The following PRKN variants were observed in gnomAD, a reference collection of about 807,000 sequenced individuals.
PRKN encodes parkin RBR E3 ubiquitin protein ligase.
A neutral mutation model predicts 59.5 loss-of-function variants in PRKN; 56 were observed. That is an observed-to-expected ratio of 0.94 (90% CI 0.76 to 1.18). The LOEUF is 1.18. Among genes scored for constraint, PRKN ranks in the 50% most tolerant of loss-of-function variants. The pLI is 0.00. For synonymous variants in PRKN, 250 were observed against 222.1 expected, an observed-to-expected ratio of 1.13 and a Z score of -1.12; for missense variants, 657 against 596.4, an observed-to-expected ratio of 1.10 and a Z score of -1.06.
intron 3 of PRKN, among the ~76,000 whole-genome samples, chr6:162,214,903 A>G (rs1777570529): frequency 6.6e-6 from 1 of 152,118 alleles, no homozygotes; most frequent in Non-Finnish European, 1.5e-5. Context: ...GAGGAGAGAG[A>G]AGATTGTTAA....
intron 1 of PRKN, among the ~76,000 whole-genome samples, chr6:162,497,448 G>A (rs183726034): frequency 1.4e-4 from 22 of 152,342 alleles, no homozygotes; most frequent in Non-Finnish European, 2.5e-4. Flanking sequence ...TGAGCCCAGA[G>A]ATAAATTCCC....
intron 7 of PRKN, among the ~76,000 whole-genome samples, chr6:161,705,075 T>C (rs1786424727): frequency 6.6e-6 from 1 of 152,180 alleles, no homozygotes; most frequent in Non-Finnish European, 1.5e-5. Context: ...CTATGAGCTT[T>C]GGAGTCATGC....
intron 2 of PRKN, among the ~76,000 whole-genome samples, chr6:162,303,225 C>A (rs1265922872): frequency 1.3e-5 from 2 of 152,104 alleles, no homozygotes; most frequent in African/African-American, 4.8e-5. Context: ...AAGTACTATG[C>A]CCAAATATTA....
intron 4 of PRKN, among the ~76,000 whole-genome samples, chr6:162,079,567 CCT>C (rs1320409166): frequency 1.3e-5 from 2 of 152,056 alleles, no homozygotes; most frequent in African/African-American, 2.4e-5. Flanking sequence ...CTGCCCATCC[CCT>C]GTTTAAACCC....
chr6:162,618,237 G>A (rs12193969), intron 1 of PRKN, among the ~76,000 whole-genome samples: 2 of 152,052 alleles, frequency 1.3e-5, no homozygotes, highest in Admixed American at 1.3e-4. Flanking sequence ...TTTAAGGAAA[G>A]GGTCTTATGA....
chr6:162,594,796 T>C (rs199649472), intron 1 of PRKN, among the ~76,000 whole-genome samples: 1 of 152,214 alleles, frequency 6.6e-6, no homozygotes, highest in East Asian at 1.9e-4. Flanking sequence ...TTGGATATTA[T>C]GTAGAAATAC....
At chr6:161,481,163 T>G (rs573949744) in intron 9 of PRKN, among the ~76,000 whole-genome samples, 2 of 152,334 alleles carry the variant, frequency 1.3e-5, no homozygotes, top group East Asian at 3.9e-4. Context: ...TTAAAAGCTA[T>G]TCAAACCGTA....
At chr6:162,022,800 A>G (rs572910235) in intron 5 of PRKN, among the ~76,000 whole-genome samples, 68 of 152,272 alleles carry the variant, frequency 4.5e-4, no homozygotes, top group Non-Finnish European at 8.1e-4. Flanking sequence ...TGCCTTACAC[A>G]TAAGTCTTTA....
chr6:162,480,692 CA>C (rs1320808178), intron 1 of PRKN, among the ~76,000 whole-genome samples: 1 of 151,958 alleles, frequency 6.6e-6, no homozygotes, highest in African/African-American at 2.4e-5. Context: ...CTGACTCTAG[CA>C]AATCATAAAA....
intron 2 of PRKN, among the ~76,000 whole-genome samples, chr6:162,366,854 G>A (rs578090426): frequency 1.3e-5 from 2 of 152,224 alleles, no homozygotes; most frequent in African/African-American, 4.8e-5. Flanking sequence ...ACTAGAGATT[G>A]CACCATTCCA....
intron 1 of PRKN, among the ~76,000 whole-genome samples, chr6:162,449,205 A>G (rs1790472948): frequency 6.6e-6 from 1 of 150,640 alleles, no homozygotes; most frequent in Non-Finnish European, 1.5e-5. Flanking sequence ...AACTTCAGAT[A>G]ATTGCATCTA....
intron 7 of PRKN, among the ~76,000 whole-genome samples, chr6:161,632,938 C>A (rs1320902967): frequency 6.6e-6 from 1 of 152,196 alleles, no homozygotes; most frequent in Non-Finnish European, 1.5e-5. Context: ...ATGGGAAGTA[C>A]AATTCAAGAT....
intron 4 of PRKN, among the ~76,000 whole-genome samples, chr6:162,148,009 A>G (rs764749046): frequency 5.9e-5 from 9 of 152,178 alleles, no homozygotes; most frequent in Non-Finnish European, 1.2e-4. Context: ...CTCAGCCCCA[A>G]GTCGACAACC....
intron 6 of PRKN, among the ~76,000 whole-genome samples, chr6:161,810,840 G>A (rs1420588598): frequency 6.6e-6 from 1 of 152,140 alleles, no homozygotes; most frequent in African/African-American, 2.4e-5. Context: ...TGCTATAGCA[G>A]AGACATAAAT....
At chr6:161,792,924 T>C (rs773356065) in intron 6 of PRKN, among the ~76,000 whole-genome samples, 1 of 152,190 alleles carries the variant, frequency 6.6e-6, no homozygotes, top group Non-Finnish European at 1.5e-5. Context: ...ATGACTGAAA[T>C]CTCAGAGACC....
intron 7 of PRKN, among the ~76,000 whole-genome samples, chr6:161,692,673 G>C (rs977751583): frequency 1.3e-5 from 2 of 152,232 alleles, no homozygotes; most frequent in African/African-American, 4.8e-5. Flanking sequence ...GGGAGGCTGA[G>C]GGGGGCGGAT....
At chr6:161,628,342 G>T (rs1783170808) in intron 7 of PRKN, among the ~76,000 whole-genome samples, 1 of 152,202 alleles carries the variant, frequency 6.6e-6, no homozygotes, top group South Asian at 2.1e-4. Context: ...TCAAGGTGAT[G>T]GTGGAGTCTG....
In PRKN at chr6:161,986,711, A is replaced by ACTG. The variant is rs373668751; in HGVS notation, c.619-13297_619-13295dup. Among the ~76,000 whole-genome samples the ACTG allele has an allele frequency of 7.9e-5, 12 of 151,090 alleles. 2 individuals carry two copies. Among genetic ancestry groups the ACTG allele is most frequent in the African/African-American group, 2.5e-4 (10 of 40,572 alleles). On this transcript the variant is annotated intron_variant, in intron 5 of 11. Coordinates refer to ENST00000366898, the MANE Select transcript of PRKN (RefSeq NM_004562.3). ...CACCTACATATTCCTCCTAACATTT[A>ACTG]CTGCTGCTGTTGAATCCATTGTGCT...
chr6:161,844,551 GAACCACAA>G (rs1236467715), intron 6 of PRKN, among the ~76,000 whole-genome samples: 1 of 152,186 alleles, frequency 6.6e-6, no homozygotes, highest in Admixed American at 6.5e-5. Flanking sequence ...TGTGGCTGTT[GAACCACAA>G]CTGAGGAACT....
Sources: allele counts gnomAD v4.1 joint callset (sites outside exome capture counted in the v4.1 genomes callset), GRCh38; gene constraint gnomAD v4.1.1; transcripts MANE v1.5; gene names NCBI Gene and HGNC (gene_info 2026-07-23, HGNC 2026-07-21).